Variants in N4BP2 observed in about 807,000 individuals in gnomAD.
N4BP2 encodes the protein NEDD4-binding protein 2.
A neutral mutation model predicts 152.8 loss-of-function variants in N4BP2; 91 were observed. The ratio of observed to expected loss-of-function variants is 0.60; its 90% CI spans 0.50 to 0.71. The LOEUF (loss-of-function observed/expected upper bound fraction) is 0.71, where lower values mean the gene tolerates loss of function less well. Among genes scored for constraint, N4BP2 ranks in the 30% least tolerant of loss-of-function variants. N4BP2 has a pLI of 0.00. For synonymous variants in N4BP2, 646 were observed against 705.3 expected (o/e 0.92, Z 1.33); for missense variants, 1,923 against 2,059.1 (o/e 0.93, Z 1.28).
chr4:40,090,567 T>C (rs563006992), intron 2 of N4BP2, among the ~76,000 whole-genome samples: 1 of 152,332 alleles, frequency 6.6e-6, no homozygotes, highest in South Asian at 2.1e-4. Flanking sequence ...TTGAACAACA[T>C]ACTTTCGTTC....
chr4:40,139,326 G>T (rs1313197606), intron 14 of N4BP2, among the ~76,000 whole-genome samples: 2 of 151,926 alleles, frequency 1.3e-5, no homozygotes, highest in East Asian at 3.9e-4. Flanking sequence ...TCAACTCCTG[G>T]GCTCAAGCAG....
intron 1 of N4BP2, among the ~76,000 whole-genome samples, chr4:40,068,892 G>T (rs1402997852): frequency 2.6e-5 from 4 of 152,144 alleles, no homozygotes; most frequent in African/African-American, 9.7e-5. Context: ...ACCGAGGCAG[G>T]TGGATCACTT....
intron 8 of N4BP2, 125 bp downstream of exon 8, chr4:40,118,149 T>C: frequency 1.3e-6 from 1 of 765,910 alleles, no homozygotes; most frequent in Non-Finnish European, 1.9e-6. Context: ...CTGGGTGTGG[T>C]GGCTCACACC....
At chr4:40,170,843 A>G in the N4BP2 span, among the ~76,000 whole-genome samples, 4 of 152,200 alleles carry the variant, frequency 2.6e-5, no homozygotes, top group Admixed American at 6.5e-5. Flanking sequence ...AGACAGTGCA[A>G]TTGTATTTCA....
At position 40,106,953 on chromosome 4, in the gene N4BP2, T is replaced by A; in HGVS notation, c.1427T>A (p.Phe476Tyr). Residue 476 changes from phenylalanine (F) to tyrosine (Y), a missense_variant, in exon 5 of 18, where the codon TTT becomes TAT. Transcript: ENST00000261435. ...SGVILSTDDY[F>Y]YINGQYQFDV... Reference sequence around the variant, plus strand: ...GTCATTCTTAGTACTGATGATTATTTTTATATAAATGGACAGTACCAGTTT... The same window carrying A: ...GTCATTCTTAGTACTGATGATTATTATTATATAAATGGACAGTACCAGTTT... The A allele has an allele frequency of 6.2e-7, 1 of 1,612,182 alleles. No homozygotes were observed.
chr4:40,170,772 A>G, the N4BP2 span, among the ~76,000 whole-genome samples: 5 of 152,210 alleles, frequency 3.3e-5, no homozygotes, highest in African/African-American at 9.7e-5. Flanking sequence ...TTCCTGTTCA[A>G]TAGCTCTATC....
rs1718938162 is a variant in N4BP2, at chr4:40,131,899, G to A, written c.4626G>A (p.Val1542=). The A allele has an allele frequency of 6.2e-7, 1 of 1,610,986 alleles. No homozygotes were observed. The highest frequency in any genetic ancestry group is 1.3e-5 in the African/African-American group (1 of 74,824). ...CAGCCATTAACCAAAATTTTCTGGT[G>A]GACATTTTCAAGGACCACAAGTGAG... The part of the protein sequence containing the change: ...IFPAINQNFL[V]DIFKDHNYSL... Residue 1542 remains valine (V), a synonymous_variant, in exon 13 of 18, where the codon GTG becomes GTA. Coordinates refer to ENST00000261435, the MANE Select transcript of N4BP2 (RefSeq NM_018177.6).
chr4:40,159,917 A>G (rs1453394958), downstream of N4BP2, among the ~76,000 whole-genome samples: 1 of 151,952 alleles, frequency 6.6e-6, no homozygotes, highest in African/African-American at 2.4e-5. Flanking sequence ...TCTGTCACCC[A>G]GGCTGGAGTG....
intron 1 of N4BP2, among the ~76,000 whole-genome samples, chr4:40,064,884 C>T (rs932861363): frequency 3.3e-5 from 5 of 152,058 alleles, no homozygotes; most frequent in Non-Finnish European, 7.4e-5. Flanking sequence ...ATTCTCCTGC[C>T]TCAGCCTCCT....
chr4:40,120,422 A>C lies in N4BP2; in HGVS notation c.2311A>C (p.Lys771Gln). ...TVTKKAFGKQ[K>Q]SKSTLEKFPR... ...AACGAAAAAAGCCTTTGGGAAACAA[A>C]AAAGCAAATCGACTTTGGAAAAGTT... Residue 771 changes from lysine (K) to glutamine (Q), a missense_variant, in exon 9 of 18, where the codon AAA becomes CAA. Lys to Gln is a moderately conservative substitution (Grantham distance 53, BLOSUM62 1). Coordinates refer to ENST00000261435, the MANE Select transcript of N4BP2 (RefSeq NM_018177.6). 6.2e-7 allele frequency: 1 copy of C among 1,613,928 alleles called. No homozygotes were observed. Among genetic ancestry groups the C allele is most frequent in the Non-Finnish European group, 8.5e-7 (1 of 1,180,024 alleles).
chr4:40,132,686 CT>C (rs1719007111), intron 13 of N4BP2, among the ~76,000 whole-genome samples: 1 of 151,964 alleles, frequency 6.6e-6, no homozygotes, highest in Non-Finnish European at 1.5e-5. Flanking sequence ...ATGTATTTTT[CT>C]TAAATTCTTC....
At chr4:40,067,307 G>A (rs147991850) in intron 1 of N4BP2, among the ~76,000 whole-genome samples, 44 of 151,572 alleles carry the variant, frequency 2.9e-4, no homozygotes, top group Non-Finnish European at 5.6e-4. Context: ...GTTAGCCTTG[G>A]CCTTCCAAAA....
At chr4:40,189,626 C>T in the N4BP2 span, among the ~76,000 whole-genome samples, 2 of 152,068 alleles carry the variant, frequency 1.3e-5, no homozygotes, top group Non-Finnish European at 2.9e-5. This position sits in a 1 kb window ranked among gnomAD's most constrained non-coding sequence, Gnocchi z 4.3. Context: ...CGGTGGCTCA[C>T]GCCTGTAATC....
chr4:40,100,850 G>A (rs575463444), intron 3 of N4BP2, among the ~76,000 whole-genome samples: 1 of 152,282 alleles, frequency 6.6e-6, no homozygotes, highest in Admixed American at 6.5e-5. Flanking sequence ...GGTAGTATTT[G>A]AGGATTCAGT....
At chr4:40,079,420 A>C (rs1713128746) in intron 2 of N4BP2, among the ~76,000 whole-genome samples, 1 of 142,988 alleles carries the variant, frequency 7.0e-6, no homozygotes, top group Non-Finnish European at 1.5e-5. Flanking sequence ...CCCACCCTGG[A>C]TGGTTTTTTT....
At chr4:40,078,300 G>A (rs999407474) in intron 2 of N4BP2, among the ~76,000 whole-genome samples, 1 of 151,922 alleles carries the variant, frequency 6.6e-6, no homozygotes, top group Admixed American at 6.6e-5. Context: ...ACCATGGCCG[G>A]CTACTTTTTG....
At chr4:40,082,191 G>T (rs1713444590) in intron 2 of N4BP2, among the ~76,000 whole-genome samples, 1 of 148,864 alleles carries the variant, frequency 6.7e-6, no homozygotes, top group African/African-American at 2.5e-5. Flanking sequence ...CAGGGGAATT[G>T]CTTGAACCCA....
the N4BP2 span, among the ~76,000 whole-genome samples, chr4:40,171,346 T>C: frequency 6.6e-6 from 1 of 152,198 alleles, no homozygotes; most frequent in African/African-American, 2.4e-5. Context: ...TGTTTTCTAC[T>C]TATTGCTGTT....
At position 40,120,134 on chromosome 4, in the gene N4BP2, G is replaced by C; in HGVS notation, c.2023G>C (p.Ala675Pro). 1 of 1,612,514 alleles carries C rather than the reference G, an allele frequency of 6.2e-7. No individual in the cohort carries two copies. Among genetic ancestry groups the C allele is most frequent in the Non-Finnish European group, 8.5e-7 (1 of 1,179,484 alleles). The change falls in exon 9 of 18, where the codon GCT (alanine) becomes CCT (proline). Residue 675 changes from alanine to proline, a missense_variant. Ala to Pro is a conservative substitution (Grantham distance 27). Transcript: ENST00000261435. ...TGATATGAATCCTAGCATTCAAAGT[G>C]CTTTAATTCTGGAAACTCCACACAT... ...ISDMNPSIQS[A>P]LILETPHMYF...
Sources: allele counts gnomAD v4.1 joint callset (sites outside exome capture counted in the v4.1 genomes callset), GRCh38; gene constraint gnomAD v4.1.1; non-coding constraint Gnocchi (gnomAD v3.1); transcripts MANE v1.5; gene names NCBI Gene and HGNC (gene_info 2026-07-23, HGNC 2026-07-21).